Variants in CACNA1E observed in about 807,000 individuals in gnomAD.
CACNA1E encodes the protein voltage-dependent R-type calcium channel subunit alpha-1E.
Under a neutral mutation model 259.2 loss-of-function variants are expected in CACNA1E, and 40 were observed. The ratio of observed to expected loss-of-function variants is 0.15; its 90% CI spans 0.12 to 0.20. CACNA1E has a LOEUF of 0.20. Among genes scored for constraint, CACNA1E ranks in the 10% least tolerant of loss-of-function variants. The probability of loss-of-function intolerance (pLI) is 1.00; values close to 1 mark genes in which losing one functional copy is unlikely to be tolerated. For missense variants in CACNA1E, 1,874 were observed against 3,040.1 expected (o/e 0.62, Z 9.02); for synonymous variants, 1,104 against 1,138.5 (o/e 0.97, Z 0.61).
intron 1 of CACNA1E, among the ~76,000 whole-genome samples, chr1:181,350,188 C>A (rs1652919829): frequency 6.6e-6 from 1 of 152,144 alleles, no homozygotes; most frequent in Admixed American, 6.5e-5. Flanking sequence ...CCCTAAGGCC[C>A]CGTTCTCCAT....
At chr1:181,670,896 A>C (rs968893104) in intron 7 of CACNA1E, among the ~76,000 whole-genome samples, 1 of 152,228 alleles carries the variant, frequency 6.6e-6, no homozygotes. Context: ...TGATCTAATT[A>C]TGAGCAATTA....
At chr1:181,487,933 A>G (rs368071316) in intron 1 of CACNA1E, among the ~76,000 whole-genome samples, 1 of 152,242 alleles carries the variant, frequency 6.6e-6, no homozygotes, top group Non-Finnish European at 1.5e-5. Flanking sequence ...GGAAATGAAT[A>G]TGGCTTACAG....
intron 3 of CACNA1E, among the ~76,000 whole-genome samples, chr1:181,560,188 A>G (rs1649171509): frequency 6.6e-6 from 1 of 151,890 alleles, no homozygotes; most frequent in South Asian, 2.1e-4. Flanking sequence ...ATTTTTGCCA[A>G]CTTCAGAAGG....
chr1:181,527,349 A>G (rs577598253), intron 3 of CACNA1E, among the ~76,000 whole-genome samples: 28 of 152,336 alleles, frequency 1.8e-4, no homozygotes, highest in African/African-American at 6.5e-4. Flanking sequence ...CTCATGACCT[A>G]ATACCTTCTA....
chr1:181,479,923 T>C (rs1051727253), upstream of CACNA1E, among the ~76,000 whole-genome samples: 2 of 152,104 alleles, frequency 1.3e-5, no homozygotes, highest in Non-Finnish European at 2.9e-5. Flanking sequence ...CCTCAGAAGT[T>C]TGGAGTCAGG....
intron 1 of CACNA1E, among the ~76,000 whole-genome samples, chr1:181,493,663 A>G (rs115621514): frequency 7.2e-5 from 11 of 152,332 alleles, no homozygotes; most frequent in African/African-American, 2.6e-4. Flanking sequence ...CTCTTGGCAC[A>G]TGTGGCCCTT....
chr1:181,664,319 A>G (rs1647987660), intron 7 of CACNA1E, among the ~76,000 whole-genome samples: 1 of 152,204 alleles, frequency 6.6e-6, no homozygotes, highest in African/African-American at 2.4e-5. Flanking sequence ...GCACAACAAC[A>G]AAGTGCTCTT....
At chr1:181,345,620 G>A (rs542841591) in intron 1 of CACNA1E, among the ~76,000 whole-genome samples, 64 of 152,190 alleles carry the variant, frequency 4.2e-4, no homozygotes, top group Non-Finnish European at 8.1e-4. Flanking sequence ...AGATGAACAC[G>A]CTGGCAAGTT....
At chr1:181,383,643 T>C (rs1249838250) in intron 1 of CACNA1E, among the ~76,000 whole-genome samples, 1 of 152,206 alleles carries the variant, frequency 6.6e-6, no homozygotes, top group Admixed American at 6.5e-5. Context: ...CAGAACTCAG[T>C]TGGGAAATTA....
chr1:181,740,003 A>G (rs1656408522), intron 25 of CACNA1E, among the ~76,000 whole-genome samples: 1 of 152,166 alleles, frequency 6.6e-6, no homozygotes, highest in Non-Finnish European at 1.5e-5. Context: ...TAACTAGGAA[A>G]TGGGATGCTT....
chr1:181,745,983 A>G (rs913401888), intron 25 of CACNA1E, among the ~76,000 whole-genome samples: 5 of 152,124 alleles, frequency 3.3e-5, no homozygotes, highest in African/African-American at 1.2e-4. Context: ...AGTGTGTGTG[A>G]GGAGCTCGTT....
intron 1 of CACNA1E, among the ~76,000 whole-genome samples, chr1:181,335,852 G>A (rs1219157734): frequency 2.0e-5 from 3 of 152,178 alleles, no homozygotes; most frequent in Non-Finnish European, 2.9e-5. Flanking sequence ...GAGCCTTTCC[G>A]CAGCCAAGTT....
At chr1:181,549,861 G>T (rs1386414519) in intron 3 of CACNA1E, among the ~76,000 whole-genome samples, 1 of 152,196 alleles carries the variant, frequency 6.6e-6, no homozygotes, top group East Asian at 1.9e-4. Context: ...GAGAGTGGGG[G>T]TGAACAGGCA....
intron 25 of CACNA1E, among the ~76,000 whole-genome samples, chr1:181,742,208 C>T (rs1656645220): frequency 6.6e-6 from 1 of 152,080 alleles, no homozygotes; most frequent in African/African-American, 2.4e-5. Context: ...CCAGAGAATT[C>T]AGCTCTCCCA....
chr1:181,680,766 C>T (rs754262526), intron 7 of CACNA1E, among the ~76,000 whole-genome samples: 7 of 152,186 alleles, frequency 4.6e-5, no homozygotes, highest in East Asian at 1.9e-4. Context: ...CGCTTGAAAA[C>T]GTTGGCCAGT....
chr1:181,430,011 C>G (rs1015627415), intron 2 of CACNA1E, among the ~76,000 whole-genome samples: 1 of 152,236 alleles, frequency 6.6e-6, no homozygotes. Context: ...CCCTATCTCC[C>G]TTTTGGGACA....
Position 181,803,762 on chromosome 1 carries a change from T to G in CACNA1E, c.*4928T>G, listed in dbSNP as rs902658544. The G allele has an allele frequency of 6.6e-6, 1 of 152,240 alleles. No individual in the cohort carries two copies. Among genetic ancestry groups the G allele is most frequent in the African/African-American group, 2.4e-5 (1 of 41,452 alleles). The allele number at this position is 152,240 out of a possible 1,614,324, so 9.4% of individuals were successfully genotyped here. ...TTCTGCTTTAAACTTCTGAGGTTTA[T>G]GCATCCCAGAGAGGTCACACCAAGC... On this transcript the variant is annotated 3_prime_UTR_variant, in exon 48 of 48. Transcript: ENST00000367573.
chr1:181,805,124 T>A lies in CACNA1E; in HGVS notation c.*6290T>A, dbSNP rs1662542739. ...CCTACAAGTTTGTCAGAGATGAGAA[T>A]GGATTGCTGTCTACATTCTACAACC... is the stretch of plus-strand genomic sequence containing the variant. On this transcript the variant is annotated 3_prime_UTR_variant, in exon 48 of 48. Transcript: ENST00000367573. The A allele has an allele frequency of 6.6e-6, 1 of 152,194 alleles. No homozygotes were observed. Among genetic ancestry groups the A allele is most frequent in the Non-Finnish European group, 1.5e-5 (1 of 68,028 alleles). 9.4% of individuals were successfully genotyped at this position (152,194 alleles called of 1,614,324 possible). A position where few individuals can be genotyped will look rare whatever the true frequency, so the allele number is the denominator to read the frequency against.
intron 2 of CACNA1E, among the ~76,000 whole-genome samples, chr1:181,465,396 C>G (rs959375290): frequency 1.3e-5 from 2 of 152,038 alleles, no homozygotes; most frequent in Non-Finnish European, 2.9e-5. Context: ...AAAATTTATC[C>G]TACAGATCTT....
Sources: gnomAD v4.1 joint callset for allele counts (sites outside exome capture counted in the v4.1 genomes callset) on GRCh38, gnomAD v4.1.1 for gene constraint, MANE v1.5 for transcripts, NCBI Gene and HGNC (gene_info 2026-07-23, HGNC 2026-07-21) for gene names.